Variants in MYRIP observed in about 807,000 individuals in gnomAD.
The protein encoded by MYRIP is myosin VIIA and Rab interacting protein, also known as rab effector MyRIP.
MYRIP carries 49 observed loss-of-function variants against 98.0 expected under a neutral mutation model. The observed-to-expected ratio is 0.50, with a 90% CI of 0.40 to 0.63. MYRIP has a LOEUF of 0.63. Among genes scored for constraint, MYRIP ranks in the 30% least tolerant of loss-of-function variants. MYRIP has a pLI of 0.00. For synonymous variants in MYRIP, 404 were observed against 409.5 expected, an observed-to-expected ratio of 0.99 and a Z score of 0.16; for missense variants, 1,004 against 1,058.2, an observed-to-expected ratio of 0.95 and a Z score of 0.71.
chr3:40,119,596 T>C (rs1398439959), intron 3 of MYRIP, among the ~76,000 whole-genome samples: 2 of 152,186 alleles, frequency 1.3e-5, no homozygotes, highest in Admixed American at 1.3e-4. Flanking sequence ...TTTTTATCTT[T>C]GATGAGTTCA....
intron 10 of MYRIP, among the ~76,000 whole-genome samples, chr3:40,192,082 G>A (rs1951227564): frequency 6.6e-6 from 1 of 150,588 alleles, no homozygotes; most frequent in African/African-American, 2.5e-5. Context: ...TGCACTTCCA[G>A]AGACATCAAA....
intron 1 of MYRIP, among the ~76,000 whole-genome samples, chr3:39,829,941 C>T (rs1370684347): frequency 6.6e-6 from 1 of 152,152 alleles, no homozygotes; most frequent in Non-Finnish European, 1.5e-5. Flanking sequence ...ATTATCTCTC[C>T]TCCACCTGGC....
At chr3:39,971,846 T>A (rs1471174053) in intron 2 of MYRIP, among the ~76,000 whole-genome samples, 1 of 152,096 alleles carries the variant, frequency 6.6e-6, no homozygotes, top group Non-Finnish European at 1.5e-5. Context: ...GTTGGAGGTT[T>A]TGTTACAGTT....
At position 40,258,528 on chromosome 3, in the gene MYRIP, T is replaced by G. The variant is rs746970261; in HGVS notation, c.*362T>G. ...TACATTTGATTCAGCTAGTATTCCA[T>G]GTCAACAATTTGTCCAAAGGAAAAC... is the stretch of plus-strand genomic sequence containing the variant. On this transcript the variant is annotated 3_prime_UTR_variant, in exon 17 of 17. Transcript: ENST00000302541. 1 of 220,498 alleles carries G rather than the reference T, an allele frequency of 4.5e-6. No homozygotes were observed. The highest frequency in any genetic ancestry group is 2.2e-5 in the African/African-American group (1 of 45,000). The allele number at this position is 220,498 out of a possible 1,614,324, so 13.7% of individuals were successfully genotyped here.
At chr3:40,101,019 A>G (rs1247188628) in intron 3 of MYRIP, among the ~76,000 whole-genome samples, 3 of 152,116 alleles carry the variant, frequency 2.0e-5, no homozygotes, top group African/African-American at 7.2e-5. Flanking sequence ...ACTCCACCCC[A>G]TCTGTGCTCC....
At position 39,950,668 on chromosome 3, in the gene MYRIP, G is replaced by A. The variant is rs568364570; in HGVS notation, c.110+49742G>A. 5.3e-5 allele frequency among the ~76,000 whole-genome samples: 8 copies of A among 152,236 alleles called. 1 individual carries two copies. Among genetic ancestry groups the A allele is most frequent in the Admixed American group, 2.0e-4 (3 of 15,270 alleles). ...GCTTCTTCACAGCGTGATGGCCTCCGGATTCCAAGAAGAACATGAGTAGAA... is the reference window on the plus strand; with the variant it reads ...GCTTCTTCACAGCGTGATGGCCTCCAGATTCCAAGAAGAACATGAGTAGAA... On this transcript the variant is annotated intron_variant, in intron 2 of 16. Transcript: ENST00000302541.
chr3:40,171,431 A>C (rs1950610240), intron 8 of MYRIP, among the ~76,000 whole-genome samples: 1 of 152,192 alleles, frequency 6.6e-6, no homozygotes, highest in South Asian at 2.1e-4. Flanking sequence ...TCAGAGCTGC[A>C]GTTCCTGGGC....
chr3:40,245,420 C>T (rs187731880), intron 13 of MYRIP, among the ~76,000 whole-genome samples: 4 of 151,920 alleles, frequency 2.6e-5, no homozygotes, highest in Non-Finnish European at 4.4e-5. Flanking sequence ...GAGGCCGAGG[C>T]GGGTGGATCA....
chr3:40,126,105 T>A (rs559965141), intron 3 of MYRIP, among the ~76,000 whole-genome samples: 7 of 152,344 alleles, frequency 4.6e-5, no homozygotes, highest in Admixed American at 3.3e-4. Flanking sequence ...CAGTACTACC[T>A]TCTCATGGGC....
intron 1 of MYRIP, among the ~76,000 whole-genome samples, chr3:39,875,400 TCTTG>T (rs1432705413): frequency 6.6e-6 from 1 of 151,432 alleles, no homozygotes; most frequent in African/African-American, 2.4e-5. Context: ...ATGTGTTTGC[TCTTG>T]CTTTTCTAGT....
At chr3:40,115,501 ACAGCATG>A (rs1949252667) in intron 3 of MYRIP, among the ~76,000 whole-genome samples, 1 of 152,148 alleles carries the variant, frequency 6.6e-6, no homozygotes, top group Non-Finnish European at 1.5e-5. Flanking sequence ...TATCACAAGA[ACAGCATG>A]CAGGAAACCA....
intron 3 of MYRIP, among the ~76,000 whole-genome samples, chr3:40,064,114 A>G (rs989417150): frequency 6.6e-6 from 1 of 152,130 alleles, no homozygotes; most frequent in Non-Finnish European, 1.5e-5. Context: ...CAGAGAGTAG[A>G]TGGGAGAAGA....
At chr3:39,885,168 T>C (rs953507204) in intron 1 of MYRIP, among the ~76,000 whole-genome samples, 5 of 152,032 alleles carry the variant, frequency 3.3e-5, no homozygotes, top group Non-Finnish European at 5.9e-5. Context: ...TTTATAGTTC[T>C]TTTTGTGAAC....
chr3:39,859,837 A>G (rs1285451496), intron 1 of MYRIP, among the ~76,000 whole-genome samples: 2 of 152,208 alleles, frequency 1.3e-5, no homozygotes, highest in African/African-American at 2.4e-5. Context: ...AAACTCAACA[A>G]ATTGTTTATA....
intron 1 of MYRIP, among the ~76,000 whole-genome samples, chr3:39,874,664 A>C (rs893779922): frequency 2.6e-5 from 4 of 152,140 alleles, no homozygotes; most frequent in African/African-American, 9.7e-5. Context: ...CATATATTGA[A>C]CCAGCCTTGC....
intron 1 of MYRIP, among the ~76,000 whole-genome samples, chr3:39,834,085 A>C (rs907267397): frequency 5.3e-5 from 8 of 152,192 alleles, no homozygotes; most frequent in African/African-American, 1.9e-4. Flanking sequence ...AGTTTGAAGT[A>C]AATACCCATG....
At chr3:39,978,221 A>G (rs1201754340) in intron 2 of MYRIP, among the ~76,000 whole-genome samples, 2 of 152,204 alleles carry the variant, frequency 1.3e-5, no homozygotes, top group Non-Finnish European at 2.9e-5. Context: ...AGCAATGGCT[A>G]TCCTAGTCCT....
In MYRIP at chr3:39,955,688, A is replaced by G. The variant is rs1373516958; in HGVS notation, c.110+54762A>G. On this transcript the variant is annotated intron_variant, in intron 2 of 16. Coordinates refer to ENST00000302541, the MANE Select transcript of MYRIP (RefSeq NM_015460.4). ...ATTCACACATAACAATATTAACCTT[A>G]AATGTAAATGGGCTAAATGCTGCAA... 3.3e-5 allele frequency among the ~76,000 whole-genome samples: 5 copies of G among 152,176 alleles called. No individual in the cohort carries two copies. In the East Asian group the frequency reaches 7.7e-4, roughly 23 times the overall value.
intron 2 of MYRIP, among the ~76,000 whole-genome samples, chr3:39,955,085 A>G (rs557895950): frequency 9.8e-5 from 15 of 152,352 alleles, no homozygotes; most frequent in Admixed American, 9.8e-4. Flanking sequence ...AATGAAACCA[A>G]GTTGGAAAAC....
Sources: allele counts gnomAD v4.1 joint callset (sites outside exome capture counted in the v4.1 genomes callset), GRCh38; gene constraint gnomAD v4.1.1; transcripts MANE v1.5; gene names NCBI Gene and HGNC (gene_info 2026-07-23, HGNC 2026-07-21).